Variants in KCNAB1 observed in about 807,000 individuals in gnomAD.
KCNAB1 encodes the protein potassium voltage-gated channel subfamily A regulatory beta subunit 1.
In KCNAB1, 35 loss-of-function variants were observed where a neutral mutation model predicts 64.6. That is an observed-to-expected ratio of 0.54 (90% CI 0.41 to 0.72). The LOEUF (loss-of-function observed/expected upper bound fraction) is 0.72, where lower values mean the gene tolerates loss of function less well. KCNAB1 is among the 30% of genes least tolerant of loss of function. The probability of loss-of-function intolerance (pLI) is 0.00; values close to 1 mark genes in which losing one functional copy is unlikely to be tolerated. For synonymous variants in KCNAB1, 177 were observed against 183.8 expected (o/e 0.96, Z 0.30); for missense variants, 401 against 512.9 (o/e 0.78, Z 2.11).
chr3:156,261,601 T>C (rs1718433957), intron 1 of KCNAB1, among the ~76,000 whole-genome samples: 2 of 152,042 alleles, frequency 1.3e-5, no homozygotes, highest in Admixed American at 6.5e-5. Flanking sequence ...TATTAATCTA[T>C]ATACTTATCC....
chr3:156,514,390 A>G lies in KCNAB1; in HGVS notation c.685A>G (p.Ile229Val). 6.2e-7 allele frequency: 1 copy of G among 1,614,136 alleles called. No homozygotes were observed. Among genetic ancestry groups the G allele is most frequent in the Non-Finnish European group, 8.5e-7 (1 of 1,179,956 alleles). ...EEIVRAMTHVINQGMAMYWGT... is the reference protein window; with the variant it reads ...EEIVRAMTHVVNQGMAMYWGT... ...AATTGTCCGAGCCATGACACATGTG[A>G]TAAACCAAGGCATGGCGATGTACTG... The change falls in exon 9 of 14, where the codon ATA becomes GTA. Residue 229 changes from isoleucine to valine, a missense_variant. Transcript: ENST00000490337.
At chr3:156,504,740 T>TG (rs1716701451) in intron 8 of KCNAB1, among the ~76,000 whole-genome samples, 1 of 125,138 alleles carries the variant, frequency 8.0e-6, no homozygotes, top group Non-Finnish European at 1.7e-5. Flanking sequence ...TGTTTTGTTT[T>TG]TGTTTTTTTT....
chr3:156,216,375 G>A (rs1715319177), intron 1 of KCNAB1, among the ~76,000 whole-genome samples: 1 of 152,186 alleles, frequency 6.6e-6, no homozygotes. Flanking sequence ...CATGAACATA[G>A]GCATGCCATG....
At chr3:156,533,120 G>C (rs960755853) in intron 13 of KCNAB1, among the ~76,000 whole-genome samples, 1 of 152,212 alleles carries the variant, frequency 6.6e-6, no homozygotes, top group Non-Finnish European at 1.5e-5. Context: ...GATGTTTTAC[G>C]TGCCAGTAGG....
At chr3:156,259,177 G>C (rs1165666023) in intron 1 of KCNAB1, among the ~76,000 whole-genome samples, 2 of 152,190 alleles carry the variant, frequency 1.3e-5, no homozygotes, top group Non-Finnish European at 2.9e-5. Flanking sequence ...TGAGGTTAAT[G>C]AGAAGATTCC....
intron 1 of KCNAB1, among the ~76,000 whole-genome samples, chr3:156,390,039 A>G (rs1015696997): frequency 2.0e-5 from 3 of 152,242 alleles, no homozygotes; most frequent in African/African-American, 7.2e-5. Context: ...GACAAACTAC[A>G]TACCATCTTG....
intron 1 of KCNAB1, among the ~76,000 whole-genome samples, chr3:156,140,029 T>A (rs949079248): frequency 2.6e-5 from 4 of 152,170 alleles, no homozygotes; most frequent in Admixed American, 2.6e-4. Context: ...TTTCCTTTCA[T>A]TTTTTTCTCA....
At chr3:156,382,815 T>C (rs187213921) in intron 1 of KCNAB1, among the ~76,000 whole-genome samples, 4 of 152,322 alleles carry the variant, frequency 2.6e-5, no homozygotes, top group Non-Finnish European at 5.9e-5. Context: ...GTGACCACCA[T>C]AAGCAGAGCA....
At chr3:156,398,095 G>A (rs1210820219) in intron 1 of KCNAB1, among the ~76,000 whole-genome samples, 2 of 152,136 alleles carry the variant, frequency 1.3e-5, no homozygotes, top group Non-Finnish European at 2.9e-5. Context: ...GGACATGGGT[G>A]AGGCTGGAAA....
At chr3:156,132,440 C>T (rs941956454) in intron 1 of KCNAB1, among the ~76,000 whole-genome samples, 2 of 152,202 alleles carry the variant, frequency 1.3e-5, no homozygotes, top group African/African-American at 4.8e-5. Flanking sequence ...GAGTGTTTCT[C>T]ATTGCCTTGA....
intron 1 of KCNAB1, among the ~76,000 whole-genome samples, chr3:156,256,724 A>G (rs899844918): frequency 6.6e-6 from 1 of 151,918 alleles, no homozygotes; most frequent in African/African-American, 2.4e-5. Flanking sequence ...TTTTTAATTT[A>G]CTCCTCCAGA....
chr3:156,288,046 C>T (rs1720193720), intron 1 of KCNAB1, among the ~76,000 whole-genome samples: 1 of 152,154 alleles, frequency 6.6e-6, no homozygotes, highest in Non-Finnish European at 1.5e-5. Context: ...ATTATTTCCT[C>T]ACAATTCTGG....
intron 1 of KCNAB1, among the ~76,000 whole-genome samples, chr3:156,368,358 G>A (rs555298716): frequency 3.3e-5 from 5 of 152,238 alleles, no homozygotes; most frequent in East Asian, 1.9e-4. Context: ...CTGGTGATCC[G>A]TTCAAAGGGG....
rs568403532 is a variant in KCNAB1 at position 156,409,450 on chromosome 3, G to T, written c.276-12166G>T. Among the ~76,000 whole-genome samples, 17 of 152,276 alleles carry T rather than the reference G, an allele frequency of 1.1e-4. No homozygotes were observed. In the South Asian group the frequency reaches 3.3e-3, roughly 30 times the overall value. On this transcript the variant is annotated intron_variant, in intron 1 of 13. Coordinates refer to ENST00000490337, the MANE Select transcript of KCNAB1 (RefSeq NM_172160.3). ...TAAAAATTCACCCTGGCCCAAGGAG[G>T]GGTAGCTTTGATTTCATTTTCAAGA...
intron 1 of KCNAB1, among the ~76,000 whole-genome samples, chr3:156,373,873 T>C (rs1472465284): frequency 6.6e-6 from 1 of 152,222 alleles, no homozygotes; most frequent in Non-Finnish European, 1.5e-5. Context: ...CAGGGGATCA[T>C]AATGGTCTGA....
At chr3:156,260,059 C>A (rs564191963) in intron 1 of KCNAB1, among the ~76,000 whole-genome samples, 1 of 152,302 alleles carries the variant, frequency 6.6e-6, no homozygotes, top group Admixed American at 6.5e-5. Context: ...CCCCCAGCAA[C>A]TAAACGCATT....
At chr3:156,203,751 T>C (rs1464159624) in intron 1 of KCNAB1, among the ~76,000 whole-genome samples, 1 of 152,254 alleles carries the variant, frequency 6.6e-6, no homozygotes, top group Non-Finnish European at 1.5e-5. Context: ...ATTAGTTTTT[T>C]ATCTGAAAGT....
intron 1 of KCNAB1, among the ~76,000 whole-genome samples, chr3:156,238,555 G>A (rs879715565): frequency 7.2e-5 from 11 of 152,004 alleles, no homozygotes; most frequent in Non-Finnish European, 1.6e-4. Context: ...CAAAATGAGA[G>A]TTTGATAGAA....
intron 2 of KCNAB1, chr3:156,441,560 T>C (rs759628777): frequency 1.3e-5 from 2 of 152,176 alleles, no homozygotes; most frequent in Non-Finnish European, 2.9e-5. Flanking sequence ...GTTCCTATTT[T>C]AGAAGAAGAT....
Sources: allele counts gnomAD v4.1 joint callset (sites outside exome capture counted in the v4.1 genomes callset), GRCh38; gene constraint gnomAD v4.1.1; transcripts MANE v1.5; gene names NCBI Gene and HGNC (gene_info 2026-07-23, HGNC 2026-07-21).